Variants in PDE7B observed in about 807,000 individuals in gnomAD.
The protein encoded by PDE7B is 3',5'-cyclic-AMP phosphodiesterase 7B.
PDE7B carries 29 observed loss-of-function variants against 56.2 expected under a neutral mutation model. That is an observed-to-expected ratio of 0.52 (90% CI 0.38 to 0.70). The LOEUF is 0.70. Ranked by LOEUF, PDE7B falls within the 30% of genes least tolerant of loss-of-function variation. The pLI is 0.00. For missense variants in PDE7B, 490 were observed against 565.0 expected, an observed-to-expected ratio of 0.87 and a Z score of 1.35; for synonymous variants, 197 against 196.9, an observed-to-expected ratio of 1.00 and a Z score of 0.00.
At chr6:136,009,315 T>C (rs1775846372) in intron 2 of PDE7B, among the ~76,000 whole-genome samples, 1 of 152,086 alleles carries the variant, frequency 6.6e-6, no homozygotes, top group Admixed American at 6.6e-5. Flanking sequence ...CTTGGCGATG[T>C]GGGCTCTTTT....
At chr6:135,906,664 A>T in intron 1 of PDE7B, among the ~76,000 whole-genome samples, 1 of 152,140 alleles carries the variant, frequency 6.6e-6, no homozygotes. Context: ...GAAGTTCTGG[A>T]TTATATATAA....
chr6:136,141,606 T>G (rs4612174), intron 3 of PDE7B, among the ~76,000 whole-genome samples: 54,993 of 151,988 alleles, frequency 0.36, 10,193 homozygotes, highest in South Asian at 0.47. Flanking sequence ...TGGACTTTTT[T>G]TGGTTTGTAA....
intron 2 of PDE7B, among the ~76,000 whole-genome samples, chr6:136,005,904 G>A (rs556187675): frequency 1.3e-4 from 19 of 151,782 alleles, no homozygotes; most frequent in South Asian, 6.3e-4. Context: ...ACACATGCAC[G>A]TGTATGTTTA....
At chr6:136,178,898 A>G in intron 9 of PDE7B, 99 bp from the exon 10 acceptor site, 2 of 1,286,536 alleles carry the variant, frequency 1.6e-6, no homozygotes, top group Non-Finnish European at 2.2e-6. Context: ...TCAAAGGCAG[A>G]AATTAGATTA....
intron 11 of PDE7B, among the ~76,000 whole-genome samples, chr6:136,183,472 T>A (rs1779099368): frequency 6.6e-6 from 1 of 151,286 alleles, no homozygotes; most frequent in African/African-American, 2.4e-5. Flanking sequence ...GGCGGGCACC[T>A]GTAGTCCCAG....
chr6:135,869,681 A>G (rs1265982852), intron 1 of PDE7B, among the ~76,000 whole-genome samples: 3 of 152,206 alleles, frequency 2.0e-5, no homozygotes, highest in Non-Finnish European at 2.9e-5. Flanking sequence ...GTAATGAGAC[A>G]ACAGGTTGCT....
intron 2 of PDE7B, among the ~76,000 whole-genome samples, chr6:136,039,416 T>G (rs547697324): frequency 2.0e-5 from 3 of 152,326 alleles, no homozygotes; most frequent in East Asian, 3.9e-4. Context: ...GCTAGGCCTA[T>G]GCAGTGGAAT....
intron 2 of PDE7B, chr6:136,044,478 T>C (rs1307973802): frequency 1.3e-5 from 2 of 152,202 alleles, no homozygotes; most frequent in African/African-American, 4.8e-5. Context: ...AGCTCTTGTT[T>C]TTAATGGAAT....
At chr6:135,902,572 A>T (rs185455529) in intron 1 of PDE7B, among the ~76,000 whole-genome samples, 1 of 152,146 alleles carries the variant, frequency 6.6e-6, no homozygotes, top group Non-Finnish European at 1.5e-5. Flanking sequence ...CTTAATTTCA[A>T]TATAGAAGGT....
chr6:136,162,089 A>G (rs1234599083), intron 8 of PDE7B: 4 of 152,028 alleles, frequency 2.6e-5, no homozygotes, highest in Non-Finnish European at 5.9e-5. Context: ...CCCTGTTTCC[A>G]CTTTACAAAA....
chr6:135,898,161 C>A (rs2128191234), intron 1 of PDE7B, among the ~76,000 whole-genome samples: 2 of 152,264 alleles, frequency 1.3e-5, no homozygotes, highest in Non-Finnish European at 2.9e-5. Flanking sequence ...CAGATCAAAA[C>A]TGGCATTTTG....
At chr6:136,090,145 CA>C (rs1355062023) in intron 2 of PDE7B, among the ~76,000 whole-genome samples, 4 of 152,066 alleles carry the variant, frequency 2.6e-5, no homozygotes, top group African/African-American at 9.7e-5. Flanking sequence ...TTTTTATCAT[CA>C]GAGATACAAT....
chr6:135,961,443 A>G (rs1169937796), intron 2 of PDE7B, among the ~76,000 whole-genome samples: 4 of 152,140 alleles, frequency 2.6e-5, no homozygotes, highest in Non-Finnish European at 4.4e-5. Context: ...GTTAGAATGC[A>G]TAATTCATCA....
At chr6:136,063,081 C>T (rs1390876748) in intron 2 of PDE7B, among the ~76,000 whole-genome samples, 1 of 152,176 alleles carries the variant, frequency 6.6e-6, no homozygotes, top group South Asian at 2.1e-4. Flanking sequence ...GCTAGTATAA[C>T]TTTGATCAGG....
At chr6:136,101,131 A>AT (rs1777554420) in intron 2 of PDE7B, among the ~76,000 whole-genome samples, 1 of 152,184 alleles carries the variant, frequency 6.6e-6, no homozygotes, top group African/African-American at 2.4e-5. Flanking sequence ...ATCGTGGTGG[A>AT]TAAGCTTTTT....
At chr6:135,925,821 CCT>C (rs1338749523) in intron 1 of PDE7B, among the ~76,000 whole-genome samples, 1 of 152,000 alleles carries the variant, frequency 6.6e-6, no homozygotes, top group African/African-American at 2.4e-5. Context: ...CTATTTTTTC[CCT>C]GATATTCATT....
At chr6:135,858,741 T>C (rs1775086280) in intron 1 of PDE7B, among the ~76,000 whole-genome samples, 1 of 152,204 alleles carries the variant, frequency 6.6e-6, no homozygotes, top group Non-Finnish European at 1.5e-5. Flanking sequence ...TTATTTGAGA[T>C]CTTTCTCCAT....
intron 2 of PDE7B, among the ~76,000 whole-genome samples, chr6:136,063,428 C>T (rs963677170): frequency 2.0e-5 from 3 of 152,174 alleles, no homozygotes; most frequent in East Asian, 1.9e-4. Context: ...TTTTCCCATC[C>T]GTATCCTTCT....
intron 12 of PDE7B, among the ~76,000 whole-genome samples, chr6:136,191,013 C>CTTTTTTTTTTTTTTTTTTTTTT (rs752187218): frequency 5.0e-5 from 5 of 99,300 alleles, no homozygotes; most frequent in African/African-American, 4.5e-4. Context: ...CCAGCATACA[C>CTTTTTTTTTTTTTTTTTTTTTT]TTTTTTTTTT....
Sources: allele counts gnomAD v4.1 joint callset (sites outside exome capture counted in the v4.1 genomes callset), GRCh38; gene constraint gnomAD v4.1.1; transcripts MANE v1.5; gene names NCBI Gene and HGNC (gene_info 2026-07-23, HGNC 2026-07-21).